The following NCL variants were observed in gnomAD, a reference collection of about 807,000 sequenced individuals.
The protein encoded by NCL is nucleolin multifunctional protein.
In NCL, 4 loss-of-function variants were observed where a neutral mutation model predicts 77.7. That is an observed-to-expected ratio of 0.05 (90% confidence interval 0.03 to 0.12). NCL has a LOEUF of 0.12. Among genes scored for constraint, NCL ranks in the 10% least tolerant of loss-of-function variants. The pLI, the probability that NCL is intolerant of heterozygous loss-of-function variation, is 1.00. For synonymous variants in NCL, 344 were observed against 297.8 expected (o/e 1.16, Z -1.60); for missense variants, 763 against 860.9 (o/e 0.89, Z 1.42).
At chr2:231,457,914 T>C in intron 8 of NCL, 114 bp from the exon 9 acceptor site, 2 of 976,696 alleles carry the variant, frequency 2.0e-6, no homozygotes, top group Admixed American at 3.4e-5. Flanking sequence ...CCCTTAGTTT[T>C]ATGCCACTTT....
At chr2:231,461,510 A>C (rs2046950209) in intron 3 of NCL, 30 bp downstream of exon 3, 1 of 1,602,336 alleles carries the variant, frequency 6.2e-7, no homozygotes, top group African/African-American at 1.3e-5. Context: ...TGTAATCAGA[A>C]GCCCAGTAAC....
In NCL at chr2:231,456,764, C is replaced by A. The variant is rs772608185; in HGVS notation, c.1572G>T (p.Gly524=). The part of the protein sequence containing the change: ...VPQNQNGKSK[G]YAFIEFASFE... ...ATGAAGCAAACTCTATAAATGCATACCTGAGGATGAACAGTTAATGCTTAG... is the reference window on the plus strand; with the variant it reads ...ATGAAGCAAACTCTATAAATGCATAACTGAGGATGAACAGTTAATGCTTAG... Residue 524 remains glycine (G), a splice_region_variant and synonymous_variant, in exon 11 of 14, where the codon GGG becomes GGT. Coordinates refer to ENST00000322723, the MANE Select transcript of NCL (RefSeq NM_005381.3). The A allele has an allele frequency of 1.9e-6, 3 of 1,614,058 alleles. No homozygotes were observed.
In NCL at chr2:231,464,395, T is replaced by G; in HGVS notation, c.-42A>C. The stretch of plus-strand genomic sequence containing the variant: ...GAAGCGGACAAGTGGCGCAGATGAG[T>G]CCAGAAGAAGCCAAGCGACGGCGAT... On this transcript the variant is annotated 5_prime_UTR_variant, in exon 1 of 14. Coordinates refer to ENST00000322723, the MANE Select transcript of NCL (RefSeq NM_005381.3). The G allele has an allele frequency of 6.3e-7, 1 of 1,593,530 alleles. No individual in the cohort carries two copies. The highest frequency in any genetic ancestry group is 8.6e-7 in the Non-Finnish European group (1 of 1,169,266).
Position 231,460,461 on chromosome 2 carries a change from C to T in NCL, c.898+17G>A, listed in dbSNP as rs1387503365. On this transcript the variant is annotated intron_variant, in intron 5 of 13. Coordinates refer to ENST00000322723, the MANE Select transcript of NCL (RefSeq NM_005381.3). ...GTGCTGTTTATCTCCCCCATATCCCCTAATTCTGCAAGTTACCTTCCACTT... is the reference window on the plus strand; with the variant it reads ...GTGCTGTTTATCTCCCCCATATCCCTTAATTCTGCAAGTTACCTTCCACTT... The T allele has an allele frequency of 6.2e-7, 1 of 1,611,302 alleles. No individual in the cohort carries two copies. Among genetic ancestry groups the T allele is most frequent in the Non-Finnish European group, 8.5e-7 (1 of 1,177,524 alleles).
rs56310279 is a variant in NCL at position 231,460,328 on chromosome 2, G to C, written c.899-35C>G. On this transcript the variant is annotated intron_variant, in intron 5 of 13. Transcript: ENST00000322723. ...AAAAGCTCAACTCAGTCTACTTGTA[G>C]TGTGGTAAAAAGTTAGTTTCCAAAG... 30,940 of 1,614,002 alleles carry C rather than the reference G, an allele frequency of 0.019. 1,592 individuals are homozygous for C. The African/African-American group carries it at 0.2, about 10-fold the overall frequency.
chr2:231,456,280 TTAAAG>T (rs1280731000), intron 11 of NCL, 144 bp from the exon 12 acceptor site: 38 of 1,067,296 alleles, frequency 3.6e-5, no homozygotes, highest in Middle Eastern at 3.1e-4. Context: ...TAGTCCTTAA[TTAAAG>T]TAAAGGCTAT....
rs755607631 is a variant in NCL at position 231,460,305 on chromosome 2, A to G, written c.899-12T>C. ...AGTCGGTTCTGTGCCTGCACAAAAA[A>G]AGCTCAACTCAGTCTACTTGTAGTG... is the stretch of plus-strand genomic sequence containing the variant. On this transcript the variant is annotated splice_polypyrimidine_tract_variant and intron_variant, in intron 5 of 13. Coordinates refer to ENST00000322723, the MANE Select transcript of NCL (RefSeq NM_005381.3). The G allele has an allele frequency of 3.1e-6, 5 of 1,613,894 alleles. No individual in the cohort carries two copies. In the Admixed American group the frequency reaches 5.0e-5, roughly 16 times the overall value.
chr2:231,460,144 G>A lies in NCL; in HGVS notation c.1040+8C>T. On this transcript the variant is annotated splice_region_variant and intron_variant, in intron 6 of 13. Transcript: ENST00000322723. Reference sequence around the variant, plus strand: ...CCACGTGTATGTAACGTGCAGTGAAGCACTTACCTAGTCATACCAATTCTG... The same window carrying A: ...CCACGTGTATGTAACGTGCAGTGAAACACTTACCTAGTCATACCAATTCTG... The A allele has an allele frequency of 6.2e-7, 1 of 1,610,160 alleles. No homozygotes were observed. The highest frequency in any genetic ancestry group is 8.5e-7 in the Non-Finnish European group (1 of 1,178,896).
chr2:231,455,707 C>G (rs1012663136), intron 12 of NCL, 83 bp from the exon 13 acceptor site: 6 of 1,469,632 alleles, frequency 4.1e-6, no homozygotes, highest in Non-Finnish European at 5.7e-6. Context: ...GGGGAGCCAT[C>G]CCACAGAAAG....
In NCL at chr2:231,461,867, T is replaced by C. The variant is rs2046955349; in HGVS notation, c.286A>G (p.Lys96Glu). The C allele has an allele frequency of 6.2e-7, 1 of 1,614,244 alleles. No individual in the cohort carries two copies. The highest frequency in any genetic ancestry group is 8.5e-7 in the Non-Finnish European group (1 of 1,180,044). The change falls in exon 3 of 14, where the codon AAG becomes GAG. Residue 96 changes from lysine to glutamate, a missense_variant. Physicochemically the swap from Lys to Glu is moderately conservative, Grantham distance 56. Transcript: ENST00000322723. ...ACTGCTTTGGCTGGTGTAACTGTCT[T>C]CTTGGCAGGTGTTGCTGCTGCCTTT... ...GKKAAATPAK[K>E]TVTPAKAVTT...
intron 1 of NCL, chr2:231,463,915 C>T: frequency 5.0e-6 from 1 of 201,154 alleles, no homozygotes; most frequent in Non-Finnish European, 9.8e-6. Flanking sequence ...CGACTAGGGC[C>T]GATACCGCCA....
chr2:231,460,069 A>G (rs2442322), intron 6 of NCL, 83 bp downstream of exon 6: 964,887 of 1,395,488 alleles, frequency 0.69, 337,157 homozygotes, highest in African/African-American at 0.86. Flanking sequence ...GTTTAACAGT[A>G]GCAGGCTAAA....
At chr2:231,464,255 C>T (rs2046979253) in intron 1 of NCL, 81 bp downstream of exon 1, 1 of 1,531,012 alleles carries the variant, frequency 6.5e-7, no homozygotes, top group Non-Finnish European at 8.8e-7. Context: ...GGACTGCGCG[C>T]AGGCCCTCCT....
chr2:231,456,441 C>G, intron 11 of NCL, 190 bp downstream of exon 11: 1 of 1,122,698 alleles, frequency 8.9e-7, no homozygotes. Context: ...TGAGTTGACA[C>G]AGCTGGATCA....
chr2:231,458,453 A>G, intron 7 of NCL, 64 bp from the exon 8 acceptor site: 2 of 1,562,462 alleles, frequency 1.3e-6, no homozygotes, highest in Non-Finnish European at 1.7e-6. Flanking sequence ...GGCAACAACA[A>G]AAAGAGGGGA....
intron 10 of NCL, 83 bp downstream of exon 10, chr2:231,456,918 G>A (rs2125633854): frequency 6.4e-7 from 1 of 1,569,126 alleles, no homozygotes. Flanking sequence ...TGGCTTTTCT[G>A]ACAGGATCAC....
chr2:231,456,598 C>T (rs963531607), intron 11 of NCL, 33 bp downstream of exon 11: 7 of 1,613,372 alleles, frequency 4.3e-6, no homozygotes, highest in Non-Finnish European at 5.9e-6. Flanking sequence ...GAGTGCTACC[C>T]CCAACCACAG....
chr2:231,458,989 A>C lies in NCL; in HGVS notation c.1165+12T>G, dbSNP rs369710913. On this transcript the variant is annotated intron_variant, in intron 7 of 13. Transcript: ENST00000322723. ...CTGAGTTCATTGCATAATCTCATAA[A>C]GCCTTACATACCTTTCTTACTGTCT... The C allele has an allele frequency of 7.2e-5, 112 of 1,562,854 alleles. No homozygotes were observed. The African/African-American group carries it at 1.3e-3, about 19-fold the overall frequency.
chr2:231,456,257 C>A, intron 11 of NCL, 121 bp from the exon 12 acceptor site: 1 of 1,187,926 alleles, frequency 8.4e-7, no homozygotes, highest in Non-Finnish European at 1.2e-6. Context: ...CAGTTAAAAG[C>A]AACTAAGCCA....
Sources: gnomAD v4.1 joint callset for allele counts on GRCh38, gnomAD v4.1.1 for gene constraint, MANE v1.5 for transcripts, NCBI Gene and HGNC (gene_info 2026-07-23, HGNC 2026-07-21) for gene names.